The following PRKN variants were observed in gnomAD, a reference collection of about 807,000 sequenced individuals.
The protein encoded by PRKN is E3 ubiquitin-protein ligase parkin.
Under a neutral mutation model 59.5 loss-of-function variants are expected in PRKN, and 56 were observed. The observed-to-expected ratio is 0.94, with a 90% confidence interval of 0.76 to 1.18. The LOEUF is 1.18. PRKN is among the 50% of genes most tolerant of loss of function. PRKN has a pLI of 0.00. For missense variants in PRKN, 657 were observed against 596.4 expected (o/e 1.10, Z -1.06); for synonymous variants, 250 against 222.1 (o/e 1.13, Z -1.12).
chr6:161,506,206 C>G (rs1383142613), intron 9 of PRKN, among the ~76,000 whole-genome samples: 1 of 151,844 alleles, frequency 6.6e-6, no homozygotes, highest in Non-Finnish European at 1.5e-5. Flanking sequence ...TTTCATTGAG[C>G]AGTGGTTTGT....
chr6:162,297,543 A>G (rs1459594308), intron 2 of PRKN, among the ~76,000 whole-genome samples: 1 of 152,176 alleles, frequency 6.6e-6, no homozygotes, highest in Non-Finnish European at 1.5e-5. Flanking sequence ...GGAGGCATAC[A>G]GTGTAATAAC....
At chr6:162,041,860 T>G (rs1332200277) in intron 5 of PRKN, among the ~76,000 whole-genome samples, 1 of 152,182 alleles carries the variant, frequency 6.6e-6, no homozygotes, top group Non-Finnish European at 1.5e-5. Flanking sequence ...ATCTGTCAGT[T>G]ACAGTGTGCA....
intron 1 of PRKN, among the ~76,000 whole-genome samples, chr6:162,580,048 C>T (rs1233164985): frequency 6.6e-6 from 1 of 152,064 alleles, no homozygotes; most frequent in Non-Finnish European, 1.5e-5. Context: ...AGATCCAGTC[C>T]CATAGATGTG....
chr6:162,575,741 C>T (rs1436865044), intron 1 of PRKN, among the ~76,000 whole-genome samples: 2 of 152,162 alleles, frequency 1.3e-5, no homozygotes, highest in Admixed American at 6.5e-5. Context: ...GTCACACAGG[C>T]TATAGGTCTC....
intron 7 of PRKN, among the ~76,000 whole-genome samples, chr6:161,743,213 C>CTTTTTTTTT (rs768890758): frequency 0.013 from 1,115 of 84,574 alleles, 186 homozygotes; most frequent in Non-Finnish European, 0.018. Context: ...TGGTTTCTAC[C>CTTTTTTTTT]TTTTTTTTTT....
intron 7 of PRKN, among the ~76,000 whole-genome samples, chr6:161,616,776 A>G (rs963618974): frequency 5.3e-5 from 8 of 152,146 alleles, no homozygotes; most frequent in South Asian, 2.1e-4. Flanking sequence ...TCCATGGTGT[A>G]TATGTGTCAC....
chr6:161,435,252 C>A (rs986032684), intron 9 of PRKN, among the ~76,000 whole-genome samples: 1 of 152,128 alleles, frequency 6.6e-6, no homozygotes, highest in Admixed American at 6.5e-5. Flanking sequence ...TTACAAGGAA[C>A]CTTTTGGACA....
At chr6:162,656,471 C>G (rs991539794) in intron 1 of PRKN, among the ~76,000 whole-genome samples, 1 of 152,136 alleles carries the variant, frequency 6.6e-6, no homozygotes, top group East Asian at 1.9e-4. Flanking sequence ...ATTATTTAAG[C>G]TAAAAGGTGT....
At chr6:162,075,795 G>A (rs1021626771) in intron 4 of PRKN, among the ~76,000 whole-genome samples, 7 of 152,094 alleles carry the variant, frequency 4.6e-5, no homozygotes, top group African/African-American at 1.7e-4. Flanking sequence ...CATTAAACAC[G>A]TATGTAACGA....
chr6:162,654,261 C>A (rs527678474), intron 1 of PRKN, among the ~76,000 whole-genome samples: 1 of 152,190 alleles, frequency 6.6e-6, no homozygotes, highest in African/African-American at 2.4e-5. Context: ...TGTTCATACA[C>A]ATGTTTTTAA....
chr6:162,558,242 A>G (rs1358042455), intron 1 of PRKN, among the ~76,000 whole-genome samples: 1 of 152,044 alleles, frequency 6.6e-6, no homozygotes, highest in African/African-American at 2.4e-5. Context: ...TTCATGTTAT[A>G]GCCTTCATTA....
At chr6:162,139,570 G>A (rs1330913315) in intron 4 of PRKN, among the ~76,000 whole-genome samples, 1 of 152,104 alleles carries the variant, frequency 6.6e-6, no homozygotes, top group Non-Finnish European at 1.5e-5. Flanking sequence ...ACTCTCCACA[G>A]CATCACAGTC....
chr6:162,041,271 C>G (rs965587807), intron 5 of PRKN, among the ~76,000 whole-genome samples: 2 of 152,162 alleles, frequency 1.3e-5, no homozygotes, highest in Non-Finnish European at 2.9e-5. Flanking sequence ...GGTTCATAGT[C>G]TACTGTGTAT....
At chr6:162,253,409 C>T (rs182363379) in intron 3 of PRKN, among the ~76,000 whole-genome samples, 44 of 152,244 alleles carry the variant, frequency 2.9e-4, no homozygotes, top group African/African-American at 1.0e-3. Flanking sequence ...TGGGACATAA[C>T]ATTTCTTCTT....
chr6:162,345,516 G>A (rs1784358215), intron 2 of PRKN, among the ~76,000 whole-genome samples: 1 of 152,112 alleles, frequency 6.6e-6, no homozygotes, highest in Non-Finnish European at 1.5e-5. Flanking sequence ...ATTTACTGAG[G>A]CTTTACTTAA....
chr6:161,481,617 CAAAACAAACAAACAAAAAAACA>C (rs1791404294), intron 9 of PRKN, among the ~76,000 whole-genome samples: 1 of 151,596 alleles, frequency 6.6e-6, no homozygotes. Flanking sequence ...AACAAAAAAA[CAAAACAAACAAACAAAAAAACA>C]AAAACAAACA....
intron 4 of PRKN, among the ~76,000 whole-genome samples, chr6:162,112,730 G>A (rs927772831): frequency 1.3e-5 from 2 of 151,800 alleles, no homozygotes; most frequent in Admixed American, 6.6e-5. Flanking sequence ...CTTGAGCCCC[G>A]GAGTTCAAGA....
chr6:162,283,590 C>T (rs1781026215), intron 2 of PRKN, among the ~76,000 whole-genome samples: 1 of 152,202 alleles, frequency 6.6e-6, no homozygotes, highest in Non-Finnish European at 1.5e-5. Context: ...AGCACGATCT[C>T]GGCTCACTGC....
At chr6:162,291,925 C>G (rs972720408) in intron 2 of PRKN, among the ~76,000 whole-genome samples, 1 of 150,822 alleles carries the variant, frequency 6.6e-6, no homozygotes, top group Non-Finnish European at 1.5e-5. Flanking sequence ...AGATACAATT[C>G]ATAGTATCTT....
Sources: gnomAD v4.1 joint callset for allele counts (sites outside exome capture counted in the v4.1 genomes callset) on GRCh38, gnomAD v4.1.1 for gene constraint, MANE v1.5 for transcripts, NCBI Gene and HGNC (gene_info 2026-07-23, HGNC 2026-07-21) for gene names.